The following VAV3 variants were observed in gnomAD, a reference collection of about 807,000 sequenced individuals.
VAV3 encodes the protein vav guanine nucleotide exchange factor 3.
In VAV3, 94 loss-of-function variants were observed where a neutral mutation model predicts 131.2. The ratio of observed to expected loss-of-function variants is 0.72; its 90% confidence interval spans 0.61 to 0.85. The LOEUF is 0.85. Ranked by LOEUF, VAV3 falls within the 40% of genes least tolerant of loss-of-function variation. The pLI is 0.00. For missense variants in VAV3, 939 were observed against 1,002.7 expected (o/e 0.94, Z 0.86); for synonymous variants, 349 against 342.0 (o/e 1.02, Z -0.22).
At chr1:107,936,242 T>A (rs1454075193) in intron 1 of VAV3, among the ~76,000 whole-genome samples, 2 of 152,154 alleles carry the variant, frequency 1.3e-5, no homozygotes, top group Non-Finnish European at 1.5e-5. Flanking sequence ...AATGACTTAA[T>A]GCAACATGTA....
At chr1:107,956,895 A>G (rs1031180364) in intron 1 of VAV3, among the ~76,000 whole-genome samples, 1 of 152,086 alleles carries the variant, frequency 6.6e-6, no homozygotes, top group Non-Finnish European at 1.5e-5. Context: ...AAATCGAGGG[A>G]CGTCAAGGAA....
intron 1 of VAV3, among the ~76,000 whole-genome samples, chr1:107,875,599 G>A (rs888564396): frequency 2.0e-5 from 3 of 152,176 alleles, no homozygotes; most frequent in African/African-American, 7.2e-5. Flanking sequence ...GGAAAAGGAG[G>A]AAAGATGGAA....
chr1:107,733,535 G>A (rs1172895804), intron 15 of VAV3, among the ~76,000 whole-genome samples: 1 of 152,188 alleles, frequency 6.6e-6, no homozygotes, highest in Non-Finnish European at 1.5e-5. Flanking sequence ...ACAGTGTAGA[G>A]AAGACCTTAA....
chr1:107,931,127 G>A (rs941366857), intron 1 of VAV3, among the ~76,000 whole-genome samples: 11 of 152,080 alleles, frequency 7.2e-5, no homozygotes, highest in African/African-American at 1.2e-4. Context: ...TCCTTCTTTG[G>A]AGCCAAGTGT....
In VAV3 at chr1:107,807,118, T is replaced by C. The variant is rs542095269; in HGVS notation, c.322-27626A>G. Among the ~76,000 whole-genome samples, 5 of 152,326 alleles carry C rather than the reference T, an allele frequency of 3.3e-5. No homozygotes were observed. In the East Asian group the frequency reaches 9.7e-4, roughly 29 times the overall value. On this transcript the variant is annotated intron_variant, in intron 2 of 26. Transcript: ENST00000370056. ...ACAGTTCAGTACAGAAGGACGACTG[T>C]ACATTAAAGCCACAGAAATTCTTGG...
rs755149974 is a variant in VAV3 at position 107,602,463 on chromosome 1, G to A, written c.2154C>T (p.His718=). Residue 718 remains histidine, a synonymous_variant, in exon 24 of 27, where the codon CAC becomes CAT. Transcript: ENST00000370056. ...AGCCATCTCTTGTTAAAATCTTGAT[G>A]TGCTTTGCTTCATTATTGTACCTGT... ...ISIKYNNEAK[H]IKILTRDGFF... The A allele has an allele frequency of 1.1e-5, 18 of 1,574,210 alleles. No individual in the cohort carries two copies. In the South Asian group the frequency reaches 1.2e-4, roughly 10 times the overall value.
At chr1:107,890,307 T>C (rs537338089) in intron 1 of VAV3, among the ~76,000 whole-genome samples, 74 of 152,318 alleles carry the variant, frequency 4.9e-4, no homozygotes, top group African/African-American at 1.7e-3. Flanking sequence ...CCACTACTTC[T>C]ATGTAGTATT....
rs574578051 is a variant in VAV3 at position 107,737,607 on chromosome 1, C to A, written c.1502+11361G>T. On this transcript the variant is annotated intron_variant, in intron 15 of 26. Coordinates refer to ENST00000370056, the MANE Select transcript of VAV3 (RefSeq NM_006113.5). ...CAGCCAACAGACACATGAAAAAATG[C>A]TCATCATCACTGGCCGTCAGAGAAA... 4.6e-5 allele frequency among the ~76,000 whole-genome samples: 7 copies of A among 152,292 alleles called. No individual in the cohort carries two copies. In the East Asian group the frequency reaches 1.2e-3, roughly 25 times the overall value.
intron 19 of VAV3, among the ~76,000 whole-genome samples, chr1:107,680,570 T>C (rs1364053029): frequency 6.6e-6 from 1 of 152,104 alleles, no homozygotes; most frequent in Non-Finnish European, 1.5e-5. Context: ...TTTCTTGAGA[T>C]AAGGTCTTGC....
intron 2 of VAV3, among the ~76,000 whole-genome samples, chr1:107,857,494 T>C (rs1669528696): frequency 6.6e-6 from 1 of 152,202 alleles, no homozygotes; most frequent in South Asian, 2.1e-4. Flanking sequence ...CTTTTTAGAC[T>C]GTAGTAACAT....
intron 24 of VAV3, among the ~76,000 whole-genome samples, chr1:107,600,650 G>T (rs1249508245): frequency 6.6e-6 from 1 of 151,950 alleles, no homozygotes; most frequent in Admixed American, 6.6e-5. Context: ...TTAATGCTGG[G>T]TCTCTATTGC....
At chr1:107,664,041 A>G (rs1657231180) in intron 19 of VAV3, among the ~76,000 whole-genome samples, 1 of 152,134 alleles carries the variant, frequency 6.6e-6, no homozygotes, top group Non-Finnish European at 1.5e-5. Flanking sequence ...CAATTAGTAA[A>G]ATAGGACTGC....
chr1:107,709,258 A>T (rs1052363647), intron 15 of VAV3, among the ~76,000 whole-genome samples: 1 of 152,110 alleles, frequency 6.6e-6, no homozygotes, highest in East Asian at 1.9e-4. Flanking sequence ...TCTCCTCTTT[A>T]TAGTCATCAA....
At chr1:107,664,316 C>T (rs555938947) in intron 19 of VAV3, among the ~76,000 whole-genome samples, 38 of 144,694 alleles carry the variant, frequency 2.6e-4, no homozygotes, top group Non-Finnish European at 4.7e-4. Context: ...GCTCAGCTTC[C>T]ATTACCTATT....
intron 1 of VAV3, among the ~76,000 whole-genome samples, chr1:107,951,440 T>C (rs372513864): frequency 3.3e-5 from 5 of 152,136 alleles, no homozygotes; most frequent in African/African-American, 1.2e-4. Flanking sequence ...CAAATGTCTA[T>C]AGAGAGAAAT....
At chr1:107,882,144 G>C (rs74384451) in intron 1 of VAV3, among the ~76,000 whole-genome samples, 1 of 152,156 alleles carries the variant, frequency 6.6e-6, no homozygotes, top group Non-Finnish European at 1.5e-5. Context: ...ATTGTGAGAT[G>C]AGTTATTTCA....
intron 1 of VAV3, among the ~76,000 whole-genome samples, chr1:107,930,564 A>G (rs1673381293): frequency 6.6e-6 from 1 of 152,174 alleles, no homozygotes. Flanking sequence ...AGGGTTACCT[A>G]GTCGATAAGA....
At chr1:107,659,331 A>C (rs1372206818) in intron 19 of VAV3, among the ~76,000 whole-genome samples, 1 of 152,168 alleles carries the variant, frequency 6.6e-6, no homozygotes, top group Non-Finnish European at 1.5e-5. Context: ...TATACATAGG[A>C]AATGCGAATG....
At chr1:107,946,042 C>A (rs149596534) in intron 1 of VAV3, among the ~76,000 whole-genome samples, 121 of 152,070 alleles carry the variant, frequency 8.0e-4, no homozygotes, top group Middle Eastern at 3.4e-3. Flanking sequence ...AGGGTCCATA[C>A]TCCAAGCATG....
Sources: allele counts gnomAD v4.1 joint callset (sites outside exome capture counted in the v4.1 genomes callset), GRCh38; gene constraint gnomAD v4.1.1; transcripts MANE v1.5; gene names NCBI Gene and HGNC (gene_info 2026-07-23, HGNC 2026-07-21).